Variants in SNW1 observed in about 807,000 individuals in gnomAD.
SNW1 encodes the protein SNW domain containing 1.
In SNW1, 9 loss-of-function variants were observed where a neutral mutation model predicts 75.6. That is an observed-to-expected ratio of 0.12 (90% CI 0.07 to 0.21). The LOEUF (loss-of-function observed/expected upper bound fraction) is 0.21. Ranked by LOEUF, SNW1 falls within the 10% of genes least tolerant of loss-of-function variation. The pLI, the probability that SNW1 is intolerant of heterozygous loss-of-function variation, is 1.00. For synonymous variants in SNW1, 200 were observed against 219.1 expected, an observed-to-expected ratio of 0.91 and a Z score of 0.77; for missense variants, 409 against 670.9, an observed-to-expected ratio of 0.61 and a Z score of 4.31.
At chr14:77,732,340 C>G (rs1008022765) in intron 9 of SNW1, 145 bp downstream of exon 9, 2 of 639,464 alleles carry the variant, frequency 3.1e-6, no homozygotes, top group Non-Finnish European at 5.6e-6. Context: ...GAGCTGCCAA[C>G]TAGCAGCTGC....
At chr14:77,761,069 T>G (rs922520761) in intron 1 of SNW1, 45 bp downstream of exon 1, 5 of 1,614,094 alleles carry the variant, frequency 3.1e-6, no homozygotes, top group Admixed American at 1.7e-5. Context: ...AGAAGACTGG[T>G]ACTCCCAGAC....
Position 77,718,279 on chromosome 14 carries a change from G to A in SNW1, c.1420C>T (p.Pro474Ser). 1 of 1,613,786 alleles carries A rather than the reference G, an allele frequency of 6.2e-7. No individual in the cohort carries two copies. Among genetic ancestry groups the A allele is most frequent in the South Asian group, 1.1e-5 (1 of 91,064 alleles). Residue 474 changes from proline to serine, a missense_variant, in exon 14 of 14, where the codon CCC (proline) becomes TCC (serine). This residue lies in a region of SNW1 where 126 missense variants were observed against 167.6 expected (regional missense o/e 0.75). Transcript: ENST00000261531. ...TCTGAACCAGAAAACTCCTTGTCGG[G>A]AACAAATCTAAGGAAAAGGAGAAAA... ...EARIKTNRFV[P>S]DKEFSGSDRR...
intron 9 of SNW1, among the ~76,000 whole-genome samples, chr14:77,732,151 C>A (rs925861272): frequency 6.6e-6 from 1 of 152,136 alleles, no homozygotes; most frequent in African/African-American, 2.4e-5. Flanking sequence ...CTGCAACTGC[C>A]CTTTTGGGGG....
At chr14:77,728,729 C>T (rs116112554) in intron 10 of SNW1, among the ~76,000 whole-genome samples, 471 of 152,236 alleles carry the variant, frequency 3.1e-3, no homozygotes, top group African/African-American at 0.01. Context: ...ATGTGACCTG[C>T]GCAGATTACT....
rs2080727871 is a variant in SNW1, at chr14:77,742,686, G to T, written c.331-3625C>A. Among the ~76,000 whole-genome samples the T allele has an allele frequency of 2.0e-5, 3 of 151,946 alleles. No homozygotes were observed. The South Asian group carries it at 6.2e-4, about 31-fold the overall frequency. On this transcript the variant is annotated intron_variant, in intron 3 of 13. Transcript: ENST00000261531. Reference sequence around the variant, plus strand: ...AGTTTAAAGTTGTTACGGTTTTTTAGGGGTAATACGTTGAAGGCATTCTTT... The same window carrying T: ...AGTTTAAAGTTGTTACGGTTTTTTATGGGTAATACGTTGAAGGCATTCTTT...
chr14:77,721,756 TA>T (rs1566825994), intron 11 of SNW1, among the ~76,000 whole-genome samples: 1 of 152,176 alleles, frequency 6.6e-6, no homozygotes, highest in Admixed American at 6.6e-5. Flanking sequence ...TTTTATTTTT[TA>T]TTTTTTATGA....
At chr14:77,746,266 G>A (rs1281674214) in intron 3 of SNW1, among the ~76,000 whole-genome samples, 6 of 152,204 alleles carry the variant, frequency 3.9e-5, no homozygotes, top group Non-Finnish European at 8.8e-5. Flanking sequence ...TGATGAGAAA[G>A]ACAAACAGAC....
At chr14:77,737,991 C>CAAAAAAAAA (rs35896717) in intron 5 of SNW1, among the ~76,000 whole-genome samples, 26 of 74,096 alleles carry the variant, frequency 3.5e-4, no homozygotes, top group African/African-American at 5.3e-4. Context: ...GACTCCATCT[C>CAAAAAAAAA]AAAAAAAAAA....
chr14:77,749,918 G>C (rs922893324), intron 3 of SNW1, among the ~76,000 whole-genome samples: 3 of 151,788 alleles, frequency 2.0e-5, no homozygotes, highest in African/African-American at 7.3e-5. Context: ...ATCAGGTGTA[G>C]ATCCAGGTGC....
intron 1 of SNW1, 23 bp from the exon 2 acceptor site, chr14:77,755,143 T>A (rs1436801697): frequency 1.9e-6 from 3 of 1,596,388 alleles, no homozygotes; most frequent in Admixed American, 1.8e-5. Context: ...ATAATAAAAG[T>A]CAGAAATTTA....
intron 9 of SNW1, 31 bp downstream of exon 9, chr14:77,732,454 A>C: frequency 1.7e-6 from 2 of 1,155,854 alleles, no homozygotes; most frequent in Non-Finnish European, 2.6e-6. Context: ...TAAAAGTAAC[A>C]AGAGCATTAA....
At chr14:77,741,637 A>T (rs1050638445) in intron 3 of SNW1, among the ~76,000 whole-genome samples, 1 of 152,180 alleles carries the variant, frequency 6.6e-6, no homozygotes, top group African/African-American at 2.4e-5. Context: ...AGTGAGGTTC[A>T]GTACATTAAG....
chr14:77,727,746 T>C (rs1369751788), intron 10 of SNW1, among the ~76,000 whole-genome samples: 1 of 152,104 alleles, frequency 6.6e-6, no homozygotes, highest in Non-Finnish European at 1.5e-5. Context: ...GATAGTTCAG[T>C]TGATTATGAT....
intron 11 of SNW1, among the ~76,000 whole-genome samples, chr14:77,722,003 C>G (rs2080545090): frequency 6.6e-6 from 1 of 152,210 alleles, no homozygotes; most frequent in African/African-American, 2.4e-5. Flanking sequence ...GTGCTTTGGC[C>G]TGCCAAAGTG....
intron 10 of SNW1, among the ~76,000 whole-genome samples, chr14:77,725,990 A>G (rs1213847672): frequency 6.6e-6 from 1 of 152,028 alleles, no homozygotes; most frequent in Non-Finnish European, 1.5e-5. Flanking sequence ...CCACTGGTCT[A>G]TGTGTCTGTT....
At chr14:77,739,178 A>T (rs986236659) in intron 3 of SNW1, 117 bp from the exon 4 acceptor site, 23 of 728,272 alleles carry the variant, frequency 3.2e-5, no homozygotes, top group Admixed American at 1.6e-4. Context: ...GGACACTCAG[A>T]TTTTCTCTTT....
intron 6 of SNW1, 150 bp from the exon 7 acceptor site, chr14:77,736,156 A>G (rs1340335851): frequency 5.3e-6 from 3 of 570,670 alleles, no homozygotes; most frequent in African/African-American, 1.9e-5. Context: ...CTCCACTTTG[A>G]CAATGAATAA....
intron 3 of SNW1, among the ~76,000 whole-genome samples, chr14:77,746,463 A>T (rs1386292602): frequency 1.3e-5 from 2 of 152,242 alleles, no homozygotes; most frequent in Admixed American, 1.3e-4. Flanking sequence ...GTCTGAGGGA[A>T]ACAAGAACTA....
intron 10 of SNW1, among the ~76,000 whole-genome samples, chr14:77,723,711 G>C (rs2080562138): frequency 6.6e-6 from 1 of 152,136 alleles, no homozygotes; most frequent in Non-Finnish European, 1.5e-5. Context: ...CTGGAATGCA[G>C]TGGCGCGATC....
Sources: allele counts gnomAD v4.1 joint callset (sites outside exome capture counted in the v4.1 genomes callset), GRCh38; gene constraint gnomAD v4.1.1; regional missense constraint gnomAD v4.1.1; transcripts MANE v1.5; gene names NCBI Gene and HGNC (gene_info 2026-07-23, HGNC 2026-07-21).